ASIC2: variants seen among roughly 807,000 people sequenced by gnomAD.
ASIC2 encodes the protein acid-sensing ion channel 2.
ASIC2 carries 25 observed loss-of-function variants against 57.3 expected under a neutral mutation model. That is an observed-to-expected ratio of 0.44 (90% CI 0.32 to 0.61). The LOEUF is 0.61. ASIC2 is among the 20% of genes least tolerant of loss of function. The pLI, the probability that ASIC2 is intolerant of heterozygous loss-of-function variation, is 0.06. For missense variants in ASIC2, 641 were observed against 738.1 expected (o/e 0.87, Z 1.52); for synonymous variants, 319 against 307.5 (o/e 1.04, Z -0.39).
At position 33,950,385 on chromosome 17, in the gene ASIC2, G is replaced by A. The variant is rs112462688; in HGVS notation, c.555+205593C>T. Among the ~76,000 whole-genome samples, 329 of 152,248 alleles carry A rather than the reference G, an allele frequency of 2.2e-3. 3 individuals are homozygous for A. The highest frequency in any genetic ancestry group is 7.5e-3 in the African/African-American group (310 of 41,548). On this transcript the variant is annotated intron_variant, in intron 1 of 9. Transcript: ENST00000359872. ...TAAAACCAAAATGAAATCAGATTCC[G>A]TAATAAATGCAGACCACGTTCCCTC...
At chr17:33,167,760 C>G (rs182439919) in intron 1 of ASIC2, among the ~76,000 whole-genome samples, 4 of 152,310 alleles carry the variant, frequency 2.6e-5, no homozygotes. Flanking sequence ...ACTATCTACC[C>G]CATTTGACAA....
intron 1 of ASIC2, among the ~76,000 whole-genome samples, chr17:33,820,873 G>A (rs1258511753): frequency 2.0e-5 from 3 of 152,030 alleles, no homozygotes; most frequent in Non-Finnish European, 4.4e-5. Context: ...CTTAAATGCG[G>A]CTGTTAGAAA....
chr17:33,458,963 A>G (rs1048606814), intron 1 of ASIC2, among the ~76,000 whole-genome samples: 7 of 152,120 alleles, frequency 4.6e-5, no homozygotes, highest in African/African-American at 1.7e-4. Context: ...TATTATCAAG[A>G]CTGATGGTCT....
chr17:33,520,655 C>T (rs151327698), intron 1 of ASIC2, among the ~76,000 whole-genome samples: 254 of 152,342 alleles, frequency 1.7e-3, no homozygotes, highest in African/African-American at 6.0e-3. Context: ...ATCCCCTTAC[C>T]CACGGACAGG....
intron 1 of ASIC2, among the ~76,000 whole-genome samples, chr17:33,672,723 C>G (rs1386240368): frequency 1.3e-5 from 2 of 152,132 alleles, no homozygotes; most frequent in East Asian, 3.9e-4. Context: ...TTAATACAAC[C>G]TGTATTCAAG....
chr17:33,173,048 T>C (rs1905587979), intron 1 of ASIC2, among the ~76,000 whole-genome samples: 1 of 152,182 alleles, frequency 6.6e-6, no homozygotes, highest in African/African-American at 2.4e-5. Context: ...CATTACTCCC[T>C]TCCCCATGGA....
chr17:33,332,633 G>A (rs1351723769), intron 1 of ASIC2, among the ~76,000 whole-genome samples: 3 of 152,172 alleles, frequency 2.0e-5, no homozygotes, highest in African/African-American at 4.8e-5. Flanking sequence ...GCTCACGCTT[G>A]TAATCCCGGC....
chr17:33,662,311 A>C (rs1907294352), intron 1 of ASIC2, among the ~76,000 whole-genome samples: 1 of 152,126 alleles, frequency 6.6e-6, no homozygotes, highest in Admixed American at 6.6e-5. Flanking sequence ...AATTTAGAGC[A>C]GGGTCTGATA....
intron 1 of ASIC2, among the ~76,000 whole-genome samples, chr17:33,705,590 T>A (rs959724307): frequency 2.6e-5 from 4 of 152,004 alleles, no homozygotes; most frequent in Admixed American, 2.6e-4. Context: ...TGGAGAGAAA[T>A]TTGAAGATGC....
chr17:33,193,818 C>A (rs976751464), intron 1 of ASIC2, among the ~76,000 whole-genome samples: 2 of 152,214 alleles, frequency 1.3e-5, no homozygotes, highest in East Asian at 1.9e-4. Flanking sequence ...TGGGTCTACA[C>A]TGTCTTGGGA....
At chr17:33,438,489 A>G (rs1050589439) in intron 1 of ASIC2, among the ~76,000 whole-genome samples, 1 of 152,140 alleles carries the variant, frequency 6.6e-6, no homozygotes, top group Non-Finnish European at 1.5e-5. Context: ...GAATCTTCAC[A>G]TAGTAAGACA....
intron 1 of ASIC2, among the ~76,000 whole-genome samples, chr17:33,526,520 T>C (rs1914888716): frequency 6.6e-6 from 1 of 152,172 alleles, no homozygotes; most frequent in South Asian, 2.1e-4. Flanking sequence ...GCTTTTTCTT[T>C]GGGGCTTTCT....
At chr17:33,163,473 A>G (rs1009226314) in intron 1 of ASIC2, among the ~76,000 whole-genome samples, 2 of 151,824 alleles carry the variant, frequency 1.3e-5, no homozygotes, top group Admixed American at 6.6e-5. Flanking sequence ...ACCCAATGTC[A>G]TCTACCCACC....
At chr17:33,115,555 G>C (rs765212183) in intron 1 of ASIC2, among the ~76,000 whole-genome samples, 3 of 152,200 alleles carry the variant, frequency 2.0e-5, no homozygotes, top group Non-Finnish European at 4.4e-5. Flanking sequence ...CATGCCTAGA[G>C]TGTTCTCTGC....
At chr17:33,138,468 A>G (rs1353574427) in intron 1 of ASIC2, among the ~76,000 whole-genome samples, 1 of 152,224 alleles carries the variant, frequency 6.6e-6, no homozygotes, top group African/African-American at 2.4e-5. Flanking sequence ...ATGAATCAGA[A>G]CACACATCCC....
At chr17:33,905,569 T>C (rs1245697840) in intron 1 of ASIC2, among the ~76,000 whole-genome samples, 1 of 152,168 alleles carries the variant, frequency 6.6e-6, no homozygotes, top group Non-Finnish European at 1.5e-5. Context: ...ACAGATAATA[T>C]GCAAAGTAGG....
At chr17:33,819,373 G>A (rs1912682159) in intron 1 of ASIC2, among the ~76,000 whole-genome samples, 1 of 152,218 alleles carries the variant, frequency 6.6e-6, no homozygotes, top group African/African-American at 2.4e-5. Flanking sequence ...AAGCTGTACA[G>A]ATACTTGGTG....
At chr17:33,375,903 G>T (rs1025647870) in intron 1 of ASIC2, among the ~76,000 whole-genome samples, 2 of 152,178 alleles carry the variant, frequency 1.3e-5, no homozygotes, top group African/African-American at 4.8e-5. Flanking sequence ...TGGGGAAGAA[G>T]GAAGGACATG....
chr17:33,764,248 C>T (rs897194758), intron 1 of ASIC2, among the ~76,000 whole-genome samples: 1 of 149,578 alleles, frequency 6.7e-6, no homozygotes, highest in Non-Finnish European at 1.5e-5. Context: ...ACTCAGGAGG[C>T]GGAGCTTGCA....
Sources: gnomAD v4.1 joint callset for allele counts (sites outside exome capture counted in the v4.1 genomes callset) on GRCh38, gnomAD v4.1.1 for gene constraint, MANE v1.5 for transcripts, NCBI Gene and HGNC (gene_info 2026-07-23, HGNC 2026-07-21) for gene names.